CNTNAP5: variants seen among roughly 807,000 people sequenced by gnomAD.
The protein encoded by CNTNAP5 is contactin associated protein family member 5, also known as contactin-associated protein-like 5.
In CNTNAP5, 72 loss-of-function variants were observed where a neutral mutation model predicts 150.2. The ratio of observed to expected loss-of-function variants is 0.48; its 90% CI spans 0.40 to 0.58. The LOEUF (loss-of-function observed/expected upper bound fraction) is 0.58, where lower values mean the gene tolerates loss of function less well. Among genes scored for constraint, CNTNAP5 ranks in the 20% least tolerant of loss-of-function variants. The pLI is 0.00. For missense variants in CNTNAP5, 1,636 were observed against 1,626.2 expected (o/e 1.01, Z -0.10); for synonymous variants, 672 against 619.8 (o/e 1.08, Z -1.25).
intron 13 of CNTNAP5, among the ~76,000 whole-genome samples, chr2:124,717,041 C>T (rs897199629): frequency 5.9e-5 from 9 of 152,252 alleles, no homozygotes; most frequent in East Asian, 1.9e-4. Context: ...GATCATCCCC[C>T]GCACTTTATT....
chr2:124,627,302 C>A (rs1414992265), intron 12 of CNTNAP5, among the ~76,000 whole-genome samples: 1 of 152,094 alleles, frequency 6.6e-6, no homozygotes, highest in Non-Finnish European at 1.5e-5. Flanking sequence ...ACAGGGGTCA[C>A]CAGAAACCAC....
chr2:124,694,370 A>G (rs1024765568), intron 13 of CNTNAP5, among the ~76,000 whole-genome samples: 5 of 152,186 alleles, frequency 3.3e-5, no homozygotes, highest in African/African-American at 1.2e-4. Flanking sequence ...TAGAACCTGC[A>G]TTCCTGCCAT....
chr2:124,408,893 T>C (rs1209029495), intron 3 of CNTNAP5, among the ~76,000 whole-genome samples: 2 of 152,152 alleles, frequency 1.3e-5, no homozygotes, highest in African/African-American at 4.8e-5. Context: ...GGAGAATGAC[T>C]TTGACGAGCT....
At chr2:124,073,394 A>C (rs1682360134) in intron 1 of CNTNAP5, among the ~76,000 whole-genome samples, 1 of 152,160 alleles carries the variant, frequency 6.6e-6, no homozygotes, top group Non-Finnish European at 1.5e-5. Flanking sequence ...TCTACACAGC[A>C]AATGAAACAA....
At chr2:124,764,831 TA>T (rs938873832) in intron 16 of CNTNAP5, among the ~76,000 whole-genome samples, 1 of 152,174 alleles carries the variant, frequency 6.6e-6, no homozygotes, top group Non-Finnish European at 1.5e-5. Flanking sequence ...AAATACAATT[TA>T]AAAAAATTAC....
At chr2:124,724,378 T>C (rs2105119784) in intron 13 of CNTNAP5, among the ~76,000 whole-genome samples, 1 of 152,162 alleles carries the variant, frequency 6.6e-6, no homozygotes, top group South Asian at 2.1e-4. Flanking sequence ...GCCAGGGGCA[T>C]CACCCTCCAG....
intron 3 of CNTNAP5, among the ~76,000 whole-genome samples, chr2:124,270,760 C>G (rs1687728338): frequency 6.6e-6 from 1 of 152,066 alleles, no homozygotes; most frequent in Non-Finnish European, 1.5e-5. Flanking sequence ...AATTCCTTAT[C>G]CAAAAAAGTC....
At chr2:124,402,280 C>T (rs186524835) in intron 3 of CNTNAP5, among the ~76,000 whole-genome samples, 1 of 152,104 alleles carries the variant, frequency 6.6e-6, no homozygotes, top group Admixed American at 6.5e-5. Flanking sequence ...AGAAGATGTG[C>T]CAAGGCTGGG....
rs1558730674 is a variant in CNTNAP5 at position 124,674,522 on chromosome 2, T to TCTTC, written c.2077+26567_2077+26568insCCTT. Among the ~76,000 whole-genome samples the TCTTC allele has an allele frequency of 1.0e-3, 136 of 135,088 alleles. 1 individual carries two copies. The highest frequency in any genetic ancestry group is 3.7e-3 in the African/African-American group (130 of 34,936). 88.6% of individuals were successfully genotyped at this position (135,088 alleles called of 152,430 possible). On this transcript the variant is annotated intron_variant, in intron 13 of 23. Coordinates refer to ENST00000682447, the MANE Select transcript of CNTNAP5 (RefSeq NM_001367498.1). ...CTTTCTTTCTTTCTCTTTCTTTCTT[T>TCTTC]CTTTCTTTCTTTCTTTCTTTCTTTC... is the stretch of plus-strand genomic sequence containing the variant.
At chr2:124,509,099 G>A (rs1694492414) in intron 8 of CNTNAP5, among the ~76,000 whole-genome samples, 1 of 152,220 alleles carries the variant, frequency 6.6e-6, no homozygotes, top group Admixed American at 6.5e-5. Context: ...ATCTAAAAGA[G>A]AAGGTAATTC....
intron 3 of CNTNAP5, among the ~76,000 whole-genome samples, chr2:124,266,004 A>G (rs759343758): frequency 2.6e-5 from 4 of 152,078 alleles, no homozygotes; most frequent in Non-Finnish European, 4.4e-5. Context: ...TTCAGCCTCC[A>G]TGTTCCCACC....
intron 13 of CNTNAP5, among the ~76,000 whole-genome samples, chr2:124,691,138 G>A (rs544763332): frequency 3.3e-5 from 5 of 152,086 alleles, no homozygotes; most frequent in Non-Finnish European, 5.9e-5. Flanking sequence ...CAAACAGACT[G>A]AGTTGGAAAA....
At chr2:124,698,344 A>G (rs1226444698) in intron 13 of CNTNAP5, among the ~76,000 whole-genome samples, 1 of 150,678 alleles carries the variant, frequency 6.6e-6, no homozygotes, top group East Asian at 2.0e-4. Flanking sequence ...GCAAAACTCA[A>G]GATTTTAATA....
chr2:124,057,745 G>T (rs1040857425), intron 1 of CNTNAP5, among the ~76,000 whole-genome samples: 2 of 151,838 alleles, frequency 1.3e-5, no homozygotes, highest in Non-Finnish European at 2.9e-5. Context: ...AAGAAGGATG[G>T]TAACAGAGGC....
chr2:124,502,122 C>T (rs1036565517), intron 7 of CNTNAP5, among the ~76,000 whole-genome samples: 2 of 152,184 alleles, frequency 1.3e-5, no homozygotes, highest in South Asian at 4.1e-4. Context: ...CATCCCCACT[C>T]ACAACCTTAT....
chr2:124,397,243 A>C (rs1691274499), intron 3 of CNTNAP5, among the ~76,000 whole-genome samples: 2 of 152,182 alleles, frequency 1.3e-5, no homozygotes, highest in South Asian at 4.1e-4. Context: ...AGCTGCTATA[A>C]CAAATGTACA....
intron 3 of CNTNAP5, among the ~76,000 whole-genome samples, chr2:124,371,933 G>C (rs1444076071): frequency 2.0e-5 from 3 of 152,020 alleles, no homozygotes; most frequent in Admixed American, 6.6e-5. Flanking sequence ...ACTCGATTGA[G>C]GGATGGCTAG....
chr2:124,306,841 C>A (rs1688705965), intron 3 of CNTNAP5, among the ~76,000 whole-genome samples: 1 of 150,644 alleles, frequency 6.6e-6, no homozygotes, highest in African/African-American at 2.5e-5. Flanking sequence ...GATTCTCCTG[C>A]CTCAGCCTCC....
intron 3 of CNTNAP5, among the ~76,000 whole-genome samples, chr2:124,243,940 C>T (rs911877019): frequency 6.6e-6 from 1 of 152,086 alleles, no homozygotes; most frequent in Non-Finnish European, 1.5e-5. Flanking sequence ...AATAAGCACA[C>T]CTTCCATTTT....
Sources: gnomAD v4.1 joint callset for allele counts (sites outside exome capture counted in the v4.1 genomes callset) on GRCh38, gnomAD v4.1.1 for gene constraint, MANE v1.5 for transcripts, NCBI Gene and HGNC (gene_info 2026-07-23, HGNC 2026-07-21) for gene names.